Variants in MAN1A1 observed in about 807,000 individuals in gnomAD.
The protein encoded by MAN1A1 is mannosyl-oligosaccharide 1,2-alpha-mannosidase IA.
Under a neutral mutation model 70.8 loss-of-function variants are expected in MAN1A1, and 29 were observed. The observed-to-expected ratio is 0.41, with a 90% CI of 0.31 to 0.56. The LOEUF (loss-of-function observed/expected upper bound fraction) is 0.56. MAN1A1 is among the 20% of genes least tolerant of loss of function. The pLI is 0.29. For missense variants in MAN1A1, 747 were observed against 841.3 expected (o/e 0.89, Z 1.39); for synonymous variants, 349 against 330.1 (o/e 1.06, Z -0.62).
At chr6:119,227,948 A>G (rs1299566822) in intron 6 of MAN1A1, among the ~76,000 whole-genome samples, 1 of 152,200 alleles carries the variant, frequency 6.6e-6, no homozygotes, top group African/African-American at 2.4e-5. Context: ...ATATAGAGAA[A>G]TACATCTGCA....
At chr6:119,205,462 C>T (rs1473102473) in intron 6 of MAN1A1, among the ~76,000 whole-genome samples, 2 of 152,170 alleles carry the variant, frequency 1.3e-5, no homozygotes, top group African/African-American at 4.8e-5. Flanking sequence ...GGTGCTAACT[C>T]ATTCTGTACT....
At chr6:119,197,244 G>A (rs891971208) in intron 8 of MAN1A1, among the ~76,000 whole-genome samples, 3 of 150,942 alleles carry the variant, frequency 2.0e-5, no homozygotes, top group Non-Finnish European at 3.0e-5. Context: ...GGCAGGTGGA[G>A]GGAGCTGAGA....
chr6:119,312,260 T>C (rs930990633), intron 2 of MAN1A1, among the ~76,000 whole-genome samples: 1 of 152,180 alleles, frequency 6.6e-6, no homozygotes, highest in African/African-American at 2.4e-5. Flanking sequence ...AAAACAGTGA[T>C]TTTAAAAGCC....
chr6:119,246,728 T>A (rs1161909300), intron 6 of MAN1A1, among the ~76,000 whole-genome samples: 1 of 152,068 alleles, frequency 6.6e-6, no homozygotes, highest in Admixed American at 6.6e-5. Flanking sequence ...TAAATACAAA[T>A]TCTGAAGATA....
chr6:119,315,654 C>T (rs1772830788), intron 2 of MAN1A1, among the ~76,000 whole-genome samples: 1 of 152,114 alleles, frequency 6.6e-6, no homozygotes, highest in African/African-American at 2.4e-5. Context: ...TTCTCTAAAA[C>T]ATTCTAAGGG....
intron 6 of MAN1A1, among the ~76,000 whole-genome samples, chr6:119,205,488 T>C (rs1773834935): frequency 6.6e-6 from 1 of 152,180 alleles, no homozygotes; most frequent in South Asian, 2.1e-4. Flanking sequence ...TAACCTATGA[T>C]CAAGAATCTC....
intron 6 of MAN1A1, among the ~76,000 whole-genome samples, chr6:119,220,042 T>G (rs1245714598): frequency 6.6e-6 from 1 of 152,068 alleles, no homozygotes; most frequent in Admixed American, 6.5e-5. Context: ...AATATCCACA[T>G]GCACAGGAAA....
chr6:119,265,973 T>G (rs1047675546), intron 5 of MAN1A1, among the ~76,000 whole-genome samples: 10 of 152,126 alleles, frequency 6.6e-5, no homozygotes, highest in Admixed American at 2.6e-4. Flanking sequence ...ATATCAGCAA[T>G]GGACAAGTGG....
At chr6:119,244,323 T>C (rs1344555634) in intron 6 of MAN1A1, among the ~76,000 whole-genome samples, 2 of 152,220 alleles carry the variant, frequency 1.3e-5, no homozygotes, top group African/African-American at 4.8e-5. Flanking sequence ...CAAAACCTAA[T>C]ATTAGAAAGG....
chr6:119,197,092 T>C (rs1191041473), intron 8 of MAN1A1, among the ~76,000 whole-genome samples: 2 of 152,152 alleles, frequency 1.3e-5, no homozygotes, highest in Non-Finnish European at 2.9e-5. Flanking sequence ...GCGGATCACC[T>C]GAGGTCAGGA....
At chr6:119,340,636 T>A (rs548540962) in intron 2 of MAN1A1, among the ~76,000 whole-genome samples, 1 of 152,176 alleles carries the variant, frequency 6.6e-6, no homozygotes, top group Non-Finnish European at 1.5e-5. Context: ...CAACAAAGGT[T>A]GTTTCAGAGG....
chr6:119,345,577 A>T (rs1330256780), intron 2 of MAN1A1, among the ~76,000 whole-genome samples: 2 of 152,220 alleles, frequency 1.3e-5, no homozygotes, highest in Non-Finnish European at 2.9e-5. Flanking sequence ...AAATTAACAG[A>T]GTATCTCCCC....
intron 10 of MAN1A1, among the ~76,000 whole-genome samples, chr6:119,189,018 A>G (rs1773368049): frequency 6.6e-6 from 1 of 152,228 alleles, no homozygotes; most frequent in African/African-American, 2.4e-5. Flanking sequence ...ATGTCAAAGT[A>G]GTCATTTTAA....
Position 119,331,608 on chromosome 6 carries a change from G to T in MAN1A1, c.603+16855C>A, listed in dbSNP as rs573023214. Among the ~76,000 whole-genome samples, 9 of 100,222 alleles carry T rather than the reference G, an allele frequency of 9.0e-5. No homozygotes were observed. In the East Asian group the frequency reaches 1.9e-3, roughly 21 times the overall value. The allele number at this position is 100,222 out of a possible 152,430, so 65.7% of individuals were successfully genotyped here. On this transcript the variant is annotated intron_variant, in intron 2 of 12. Transcript: ENST00000368468. Reference sequence around the variant, plus strand: ...ATATATATATATATATAATCAAGGGGATATAAACATACATGAACACATACT... The same window carrying T: ...ATATATATATATATATAATCAAGGGTATATAAACATACATGAACACATACT...
At chr6:119,245,863 T>G (rs1043646009) in intron 6 of MAN1A1, among the ~76,000 whole-genome samples, 8 of 152,100 alleles carry the variant, frequency 5.3e-5, no homozygotes, top group Admixed American at 1.3e-4. Context: ...TTAAATAAAT[T>G]CTAATGCAAA....
rs1233086225 is a variant in MAN1A1 at position 119,187,893 on chromosome 6, G to T, written c.1719+512C>A. On this transcript the variant is annotated intron_variant, in intron 11 of 12. Coordinates refer to ENST00000368468, the MANE Select transcript of MAN1A1 (RefSeq NM_005907.4). The stretch of plus-strand genomic sequence containing the variant: ...AAACAACACACTGGGCAGATGGAAA[G>T]CTTATAGATATTCCAAGAAACCTGA... Among the ~76,000 whole-genome samples the T allele has an allele frequency of 2.0e-5, 3 of 152,180 alleles. No homozygotes were observed. In the East Asian group the frequency reaches 5.8e-4, roughly 29 times the overall value.
chr6:119,346,556 G>A (rs780010520), intron 2 of MAN1A1, among the ~76,000 whole-genome samples: 7 of 152,156 alleles, frequency 4.6e-5, no homozygotes, highest in Non-Finnish European at 8.8e-5. Flanking sequence ...CGTAAATCTC[G>A]TTTACACGGT....
At chr6:119,240,440 G>A (rs1774972417) in intron 6 of MAN1A1, among the ~76,000 whole-genome samples, 2 of 152,132 alleles carry the variant, frequency 1.3e-5, no homozygotes, top group Non-Finnish European at 2.9e-5. Flanking sequence ...GCAGGAGCCT[G>A]AGCAGATGGA....
chr6:119,201,229 T>A (rs770710766), intron 8 of MAN1A1, 25 bp downstream of exon 8: 5 of 1,528,274 alleles, frequency 3.3e-6, no homozygotes, highest in Non-Finnish European at 4.5e-6. Flanking sequence ...AAAAGAGCTA[T>A]AATAATGCAA....
Sources: gnomAD v4.1 joint callset for allele counts (sites outside exome capture counted in the v4.1 genomes callset) on GRCh38, gnomAD v4.1.1 for gene constraint, MANE v1.5 for transcripts, NCBI Gene and HGNC (gene_info 2026-07-23, HGNC 2026-07-21) for gene names.